INO80: variants seen among roughly 807,000 people sequenced by gnomAD.
INO80 encodes the protein chromatin-remodeling ATPase INO80.
INO80 carries 20 observed loss-of-function variants against 203.4 expected under a neutral mutation model. The ratio of observed to expected loss-of-function variants is 0.10; its 90% CI spans 0.07 to 0.14. INO80 has a LOEUF of 0.14. INO80 is among the 10% of genes least tolerant of loss of function. The pLI is 1.00. For synonymous variants in INO80, 726 were observed against 685.2 expected (o/e 1.06, Z -0.93); for missense variants, 1,419 against 1,914.4 (o/e 0.74, Z 4.83).
At chr15:41,090,835 T>C (rs186033963) in intron 5 of INO80, among the ~76,000 whole-genome samples, 18 of 141,518 alleles carry the variant, frequency 1.3e-4, no homozygotes, top group Admixed American at 4.2e-4. Flanking sequence ...AAATGATGTA[T>C]CTTTTTTTTT....
At chr15:40,995,546 A>C (rs1020951424) in intron 29 of INO80, among the ~76,000 whole-genome samples, 12 of 152,228 alleles carry the variant, frequency 7.9e-5, no homozygotes, top group East Asian at 1.9e-4. Flanking sequence ...GAAGAGTTTT[A>C]ATCAAAGGAG....
chr15:41,055,702 A>G (rs897744226), intron 17 of INO80, among the ~76,000 whole-genome samples: 1 of 152,242 alleles, frequency 6.6e-6, no homozygotes, highest in African/African-American at 2.4e-5. Flanking sequence ...CTAAGGTATG[A>G]TAACTTGCTA....
chr15:41,097,957 AAAC>A lies in INO80; in HGVS notation c.-43-1607_-43-1605del, dbSNP rs769190530. On this transcript the variant is annotated intron_variant, in intron 1 of 35. Coordinates refer to ENST00000648947, the MANE Select transcript of INO80 (RefSeq NM_017553.3). ...AACGAGAGCAAAACCCCATCTCAAA[AAAC>A]AACAACAACAACAACAACTAAATGA... Among the ~76,000 whole-genome samples, 114 of 152,104 alleles carry A rather than the reference AAAC, an allele frequency of 7.5e-4. 1 individual carries two copies. The East Asian group carries it at 9.1e-3, about 12-fold the overall frequency.
chr15:41,083,761 TA>T (rs2045520017), intron 7 of INO80, among the ~76,000 whole-genome samples: 1 of 151,980 alleles, frequency 6.6e-6, no homozygotes, highest in Non-Finnish European at 1.5e-5. Flanking sequence ...CTCCATAGTT[TA>T]AAAAGTGTCA....
chr15:41,023,328 T>C (rs2044323209), intron 25 of INO80: 1 of 455,838 alleles, frequency 2.2e-6, no homozygotes, highest in Non-Finnish European at 4.4e-6. Flanking sequence ...ATCTCCCATG[T>C]AGGATGTGTG....
At chr15:41,083,769 G>A (rs1351780669) in intron 7 of INO80, among the ~76,000 whole-genome samples, 1 of 151,310 alleles carries the variant, frequency 6.6e-6, no homozygotes, top group African/African-American at 2.4e-5. Flanking sequence ...TTTAAAAAGT[G>A]TCATACTAAC....
intron 19 of INO80, among the ~76,000 whole-genome samples, chr15:41,052,777 C>T (rs550761002): frequency 5.2e-4 from 77 of 149,124 alleles, no homozygotes; most frequent in African/African-American, 1.7e-3. Context: ...GTAATCCTAG[C>T]ACTTTCAGAG....
chr15:41,063,279 G>A (rs1173088969), intron 14 of INO80, among the ~76,000 whole-genome samples: 1 of 152,120 alleles, frequency 6.6e-6, no homozygotes, highest in Admixed American at 6.6e-5. Context: ...AGAGGTTGCA[G>A]TAAGCTGAGA....
intron 14 of INO80, among the ~76,000 whole-genome samples, chr15:41,061,645 A>G (rs182285770): frequency 3.4e-4 from 52 of 151,978 alleles, no homozygotes; most frequent in African/African-American, 1.2e-3. Flanking sequence ...AAAATAAAAA[A>G]ATTTAAAAAT....
chr15:41,049,522 C>T (rs1318328682), intron 20 of INO80, 102 bp from the exon 21 acceptor site: 1 of 1,081,194 alleles, frequency 9.2e-7, no homozygotes, highest in Non-Finnish European at 1.4e-6. Flanking sequence ...GGAATGGATA[C>T]TTTCCCATTT....
In INO80 at chr15:40,984,310, C is replaced by T. The variant is rs374492938; in HGVS notation, c.3964G>A (p.Gly1322Ser). Residue 1322 changes from glycine to serine, a missense_variant, in exon 33 of 36, where the codon GGT becomes AGT. By Grantham distance (56) the Gly-to-Ser change is moderately conservative. This residue lies in a region of INO80 where 214 missense variants were observed against 248.9 expected (regional missense o/e 0.86). Coordinates refer to ENST00000648947, the MANE Select transcript of INO80 (RefSeq NM_017553.3). ...ACAAATGGGATCACCAGGTTCACAC[C>T]CTCTTTTCTCCTTTTCCCATCCAAT... ...DELDGKRRKE[G>S]VNLVIPFVPS... 25 of 1,614,020 alleles carry T rather than the reference C, an allele frequency of 1.5e-5. No homozygotes were observed. The highest frequency in any genetic ancestry group is 1.9e-5 in the Non-Finnish European group (23 of 1,180,006).
intron 19 of INO80, among the ~76,000 whole-genome samples, chr15:41,052,747 G>A (rs80017787): frequency 0.026 from 3,941 of 150,874 alleles, 171 homozygotes; most frequent in African/African-American, 0.091. Context: ...CTAAGAGGTC[G>A]GGCACAGTGG....
intron 29 of INO80, among the ~76,000 whole-genome samples, chr15:40,997,252 T>C (rs1026873061): frequency 6.6e-6 from 1 of 152,146 alleles, no homozygotes; most frequent in African/African-American, 2.4e-5. Flanking sequence ...CACTCCAGCC[T>C]GGGCAACAGA....
At chr15:41,104,957 T>C (rs1407193975) in intron 1 of INO80, among the ~76,000 whole-genome samples, 1 of 152,220 alleles carries the variant, frequency 6.6e-6, no homozygotes, top group Admixed American at 6.5e-5. Flanking sequence ...ACTTAACCAG[T>C]GTGGGTAGTA....
chr15:41,010,162 A>G (rs1477404461), intron 27 of INO80, among the ~76,000 whole-genome samples: 1 of 152,214 alleles, frequency 6.6e-6, no homozygotes, highest in Non-Finnish European at 1.5e-5. Flanking sequence ...ACACCACATC[A>G]GTGGCATGCA....
intron 28 of INO80, among the ~76,000 whole-genome samples, chr15:40,999,852 A>G (rs887260872): frequency 6.6e-6 from 1 of 152,184 alleles, no homozygotes; most frequent in Non-Finnish European, 1.5e-5. Context: ...AATCTCTGGA[A>G]GGCTGAGGTG....
Position 41,029,064 on chromosome 15 carries a change from T to C in INO80, c.2908-1328A>G, listed in dbSNP as rs560656083. On this transcript the variant is annotated intron_variant, in intron 24 of 35. Coordinates refer to ENST00000648947, the MANE Select transcript of INO80 (RefSeq NM_017553.3). ...TGCATTCTTATTTGTTTTACTGATA[T>C]CTCAATAAGGCAGGTTGATGACCAA... 5.9e-5 allele frequency among the ~76,000 whole-genome samples: 9 copies of C among 152,356 alleles called. No individual in the cohort carries two copies. In the South Asian group the frequency reaches 1.0e-3, roughly 18 times the overall value.
intron 25 of INO80, among the ~76,000 whole-genome samples, chr15:41,023,816 AC>A: frequency 6.6e-6 from 1 of 150,412 alleles, no homozygotes; most frequent in South Asian, 2.2e-4. Flanking sequence ...ACAAAAAAAA[AC>A]AACAAAAAAA....
chr15:41,086,496 C>G (rs1312533619), intron 6 of INO80, among the ~76,000 whole-genome samples: 1 of 151,832 alleles, frequency 6.6e-6, no homozygotes, highest in Admixed American at 6.6e-5. Context: ...ACTAAAAATA[C>G]AAAAATTAGC....
Sources: gnomAD v4.1 joint callset for allele counts (sites outside exome capture counted in the v4.1 genomes callset) on GRCh38, gnomAD v4.1.1 for gene constraint, gnomAD v4.1.1 regional missense constraint, MANE v1.5 for transcripts, NCBI Gene and HGNC (gene_info 2026-07-23, HGNC 2026-07-21) for gene names.